Variants in SEC24D observed in about 807,000 individuals in gnomAD.
SEC24D encodes protein transport protein Sec24D.
In SEC24D, 69 loss-of-function variants were observed where a neutral mutation model predicts 116.9. The observed-to-expected ratio is 0.59, with a 90% CI of 0.49 to 0.72. SEC24D has a LOEUF of 0.72. Ranked by LOEUF, SEC24D falls within the 30% of genes least tolerant of loss-of-function variation. The pLI, the probability that SEC24D is intolerant of heterozygous loss-of-function variation, is 0.00. For synonymous variants in SEC24D, 405 were observed against 442.8 expected, an observed-to-expected ratio of 0.91 and a Z score of 1.07; for missense variants, 1,131 against 1,264.1, an observed-to-expected ratio of 0.89 and a Z score of 1.60.
At chr4:118,743,311 T>C (rs756590487) in intron 15 of SEC24D, among the ~76,000 whole-genome samples, 51 of 151,810 alleles carry the variant, frequency 3.4e-4, no homozygotes, top group Admixed American at 2.6e-3. Flanking sequence ...TTAGGAAGTA[T>C]GGAATTGCCG....
chr4:118,828,463 C>A (rs559358608), intron 2 of SEC24D, among the ~76,000 whole-genome samples: 12 of 152,090 alleles, frequency 7.9e-5, no homozygotes, highest in Non-Finnish European at 1.3e-4. Flanking sequence ...CAAGCAAGGG[C>A]GATTTTGCCC....
chr4:118,781,786 T>C (rs1728424130), intron 8 of SEC24D, among the ~76,000 whole-genome samples: 1 of 152,154 alleles, frequency 6.6e-6, no homozygotes, highest in Admixed American at 6.5e-5. Flanking sequence ...TTTGTTCATT[T>C]CTTTTTACTC....
In SEC24D at chr4:118,815,641, A is replaced by T. The variant is rs2389688; in HGVS notation, c.483T>A (p.Pro161=). ...SLQTPPRPPQ[P]SILQPGSQVL... ...CTTGAGATCCAGGCTGCAAAATGGA[A>T]GGCTGTGGAGGTCGTGGAGGAGTCT... Residue 161 remains proline (P), a synonymous_variant, in exon 5 of 23, where the codon CCT becomes CCA. Transcript: ENST00000280551. 61 of 1,613,954 alleles carry T rather than the reference A, an allele frequency of 3.8e-5. No homozygotes were observed. The highest frequency in any genetic ancestry group is 1.7e-4 in the Admixed American group (10 of 60,018).
chr4:118,826,743 A>G (rs1376720964), intron 2 of SEC24D, among the ~76,000 whole-genome samples: 1 of 152,156 alleles, frequency 6.6e-6, no homozygotes, highest in East Asian at 1.9e-4. Flanking sequence ...GAATTAAAAA[A>G]AAAAGCTCTG....
At chr4:118,771,624 G>A (rs1313502326) in intron 8 of SEC24D, among the ~76,000 whole-genome samples, 4 of 151,530 alleles carry the variant, frequency 2.6e-5, no homozygotes, top group African/African-American at 4.8e-5. Context: ...ATCATTCTAC[G>A]AAATGAGACT....
chr4:118,823,215 T>C (rs1730467844), intron 3 of SEC24D, among the ~76,000 whole-genome samples: 1 of 152,182 alleles, frequency 6.6e-6, no homozygotes. Context: ...CTTTGACTTC[T>C]TGCTCCAAGC....
intron 15 of SEC24D, among the ~76,000 whole-genome samples, chr4:118,741,922 A>G (rs1248975490): frequency 1.3e-5 from 2 of 152,252 alleles, no homozygotes; most frequent in Non-Finnish European, 2.9e-5. Context: ...ATGCTACGGC[A>G]GGATTCAGTT....
chr4:118,771,588 G>T (rs1033897106), intron 8 of SEC24D, among the ~76,000 whole-genome samples: 2 of 151,540 alleles, frequency 1.3e-5, no homozygotes, highest in Non-Finnish European at 3.0e-5. Flanking sequence ...ATAAACACTG[G>T]TTGATTTTGG....
intron 8 of SEC24D, among the ~76,000 whole-genome samples, chr4:118,780,615 G>T (rs958512805): frequency 2.0e-5 from 3 of 152,166 alleles, no homozygotes; most frequent in Admixed American, 6.5e-5. Flanking sequence ...TGTCTATCAG[G>T]TCTGCTTGGT....
intron 7 of SEC24D, among the ~76,000 whole-genome samples, chr4:118,802,505 T>A (rs4834704): frequency 6.6e-6 from 1 of 151,962 alleles, no homozygotes; most frequent in African/African-American, 2.4e-5. Context: ...AGCTTATTAC[T>A]ATTGGCAAAT....
chr4:118,737,789 C>T (rs766173152), intron 19 of SEC24D, among the ~76,000 whole-genome samples: 1 of 152,024 alleles, frequency 6.6e-6, no homozygotes, highest in Non-Finnish European at 1.5e-5. Context: ...TCTTTGAAAA[C>T]TCTTCACACC....
rs568596904 is a variant in SEC24D at position 118,778,637 on chromosome 4, A to G, written c.1042-10326T>C. On this transcript the variant is annotated intron_variant, in intron 8 of 22. Coordinates refer to ENST00000280551, the MANE Select transcript of SEC24D (RefSeq NM_014822.4). ...ACTTTAGTTTTTTCCAATTCCATTA[A>G]GAAAGTCATTGGTAGCTTGACGAGG... Among the ~76,000 whole-genome samples, 9 of 152,308 alleles carry G rather than the reference A, an allele frequency of 5.9e-5. No homozygotes were observed. The East Asian group carries it at 1.7e-3, about 29-fold the overall frequency.
chr4:118,821,123 G>C (rs188541644), intron 3 of SEC24D, among the ~76,000 whole-genome samples: 1 of 152,256 alleles, frequency 6.6e-6, no homozygotes, highest in East Asian at 1.9e-4. Flanking sequence ...CTAGCCCATA[G>C]AGAAAAAATG....
At chr4:118,726,454 A>G (rs1286804632) in intron 22 of SEC24D, among the ~76,000 whole-genome samples, 2 of 152,208 alleles carry the variant, frequency 1.3e-5, no homozygotes, top group Non-Finnish European at 2.9e-5. Context: ...AGAGATGAGA[A>G]GAAGGAAAGA....
intron 17 of SEC24D, 84 bp downstream of exon 17, chr4:118,740,579 C>A: frequency 7.0e-7 from 1 of 1,434,766 alleles, no homozygotes; most frequent in Non-Finnish European, 9.6e-7. Flanking sequence ...GAGACTAACA[C>A]ATTTGATGGT....
rs1271521701 is a variant in SEC24D, at chr4:118,815,028, T to C, written c.801A>G (p.Pro267=). 2.5e-6 allele frequency: 4 copies of C among 1,613,784 alleles called. No homozygotes were observed. The Admixed American group carries it at 6.7e-5, about 27-fold the overall frequency. The change falls in exon 6 of 23, where the codon CCA becomes CCG. Residue 267 remains proline, a splice_region_variant and synonymous_variant. Transcript: ENST00000280551. The part of the protein sequence containing the change: ...KKLDPDSIPS[P]IQVIENDRAS... The stretch of plus-strand genomic sequence containing the variant: ...CTGTGAGAGTGAGAAGAGTACTTAC[T>C]GGGCTAGGGATAGAGTCAGGATCCA...
intron 10 of SEC24D, chr4:118,760,309 A>T (rs544926451): frequency 6.6e-6 from 1 of 152,238 alleles, no homozygotes; most frequent in Non-Finnish European, 1.5e-5. Flanking sequence ...TGTACCCATT[A>T]AACAACCTCT....
In SEC24D at chr4:118,723,663, A is replaced by G. The variant is rs774104936; in HGVS notation, c.2959-8T>C. On this transcript the variant is annotated splice_polypyrimidine_tract_variant and splice_region_variant and intron_variant, in intron 22 of 22. Coordinates refer to ENST00000280551, the MANE Select transcript of SEC24D (RefSeq NM_014822.4). ...CTGCTTTACAATTGTGAGCTAGGAA[A>G]AAAAAAACAAAACAGTAACAGCCCC... 4.4e-6 allele frequency: 7 copies of G among 1,594,086 alleles called. No homozygotes were observed. The East Asian group carries it at 1.6e-4, about 36-fold the overall frequency.
chr4:118,805,798 A>G, intron 7 of SEC24D, 45 bp downstream of exon 7: 1 of 1,226,538 alleles, frequency 8.2e-7, no homozygotes, highest in Non-Finnish European at 1.1e-6. Context: ...AAAAACGGTG[A>G]GAAATTTTAA....
Sources: gnomAD v4.1 joint callset for allele counts (sites outside exome capture counted in the v4.1 genomes callset) on GRCh38, gnomAD v4.1.1 for gene constraint, MANE v1.5 for transcripts, NCBI Gene and HGNC (gene_info 2026-07-23, HGNC 2026-07-21) for gene names.